The following COL4A6 variants were observed in gnomAD, a reference collection of about 807,000 sequenced individuals.
COL4A6 encodes collagen type IV alpha 6 chain, also known as collagen alpha-6(IV) chain.
Under a neutral mutation model 126.7 loss-of-function variants are expected in COL4A6, and 59 were observed. The ratio of observed to expected loss-of-function variants is 0.47; its 90% CI spans 0.38 to 0.58. The LOEUF (loss-of-function observed/expected upper bound fraction) is 0.58. COL4A6 is among the 20% of genes least tolerant of loss of function. COL4A6 has a pLI of 0.00. For synonymous variants in COL4A6, 547 were observed against 496.6 expected (o/e 1.10, Z -1.35); for missense variants, 1,285 against 1,337.3 (o/e 0.96, Z 0.61).
chrX:108,204,571 G>A, intron 11 of COL4A6, 159 bp from the exon 12 acceptor site: 1 of 552,301 alleles, frequency 1.8e-6, no homozygotes. Context: ...CACTGCCAAA[G>A]GGTGAGAAGA....
Position 108,156,755 on chromosome X carries a change from C to A in COL4A6, c.*245G>T. 2.4e-6 allele frequency: 1 copy of A among 410,961 alleles called. No homozygotes were observed. Among genetic ancestry groups the A allele is most frequent in the East Asian group, 3.9e-5 (1 of 25,749 alleles). 33.9% of individuals were successfully genotyped at this position (410,961 alleles called of 1,213,427 possible). ...AGGTAGCCATGAATAGTCACACAAT[C>A]ATCCAAATCAAACAGTAGCACCAGC... On this transcript the variant is annotated 3_prime_UTR_variant, in exon 45 of 45. Transcript: ENST00000334504.
intron 3 of COL4A6, among the ~76,000 whole-genome samples, chrX:108,277,160 G>C (rs1443616036): frequency 2.7e-5 from 3 of 111,505 alleles, no homozygotes; most frequent in Admixed American, 1.9e-4. Flanking sequence ...CAGGACAGTG[G>C]GTGCACAAGC....
intron 2 of COL4A6, among the ~76,000 whole-genome samples, chrX:108,370,117 C>T (rs1482858838): frequency 8.9e-6 from 1 of 112,412 alleles, no homozygotes; most frequent in Non-Finnish European, 1.9e-5. Flanking sequence ...AGCCATGTTT[C>T]AGGGTCTTCC....
intron 3 of COL4A6, among the ~76,000 whole-genome samples, chrX:108,247,348 C>T (rs147983912): frequency 5.0e-4 from 56 of 111,945 alleles, no homozygotes; most frequent in African/African-American, 1.7e-3. Context: ...CTTAGAACAA[C>T]GCCTAGTGCA....
chrX:108,378,277 TTTG>T (rs1466743930), intron 2 of COL4A6, among the ~76,000 whole-genome samples: 2 of 111,422 alleles, frequency 1.8e-5, no homozygotes, highest in Non-Finnish European at 3.8e-5. Context: ...GAGCTTTTTG[TTTG>T]TTTCTTTGTT....
chrX:108,256,572 C>G (rs1450051792), intron 3 of COL4A6, among the ~76,000 whole-genome samples: 2 of 111,314 alleles, frequency 1.8e-5, no homozygotes, highest in Non-Finnish European at 3.8e-5. Context: ...AGGATTTGAA[C>G]TTGGGCTAAT....
intron 3 of COL4A6, among the ~76,000 whole-genome samples, chrX:108,273,224 G>A (rs1019231343): frequency 9.1e-6 from 1 of 110,135 alleles, no homozygotes; most frequent in Non-Finnish European, 1.9e-5. Flanking sequence ...ACAGACACAT[G>A]AAAAAATGCT....
chrX:108,382,989 T>TAATAATAAA (rs2040595409), intron 2 of COL4A6, among the ~76,000 whole-genome samples: 2 of 103,341 alleles, frequency 1.9e-5, no homozygotes, highest in Non-Finnish European at 3.9e-5. Context: ...ATAATAATAA[T>TAATAATAAA]AATAATAATA....
At chrX:108,388,257 T>C (rs1410957348) in intron 2 of COL4A6, among the ~76,000 whole-genome samples, 1 of 112,142 alleles carries the variant, frequency 8.9e-6, no homozygotes, top group East Asian at 2.8e-4. Context: ...GATTCCCTCT[T>C]TTTCTATTCT....
intron 2 of COL4A6, among the ~76,000 whole-genome samples, chrX:108,360,534 C>CTTT (rs5903322): frequency 1.2e-5 from 1 of 84,323 alleles, no homozygotes. Context: ...ACACTTTAAC[C>CTTT]TTTTTTTTTT....
intron 40 of COL4A6, 46 bp from the exon 41 acceptor site, chrX:108,163,084 G>A: frequency 8.7e-7 from 1 of 1,152,729 alleles, no homozygotes; most frequent in East Asian, 3.2e-5. Flanking sequence ...GAGGCAGAGG[G>A]AGGTGACGGG....
intron 23 of COL4A6, among the ~76,000 whole-genome samples, chrX:108,181,724 C>T (rs1049438188): frequency 2.7e-5 from 3 of 111,659 alleles, no homozygotes; most frequent in Non-Finnish European, 5.6e-5. Context: ...TCTCCCTTGC[C>T]CATTCATAAT....
At chrX:108,200,200 C>A (rs1334002870) in intron 13 of COL4A6, among the ~76,000 whole-genome samples, 1 of 112,297 alleles carries the variant, frequency 8.9e-6, no homozygotes, top group Non-Finnish European at 1.9e-5. Context: ...CTAGTAGCCA[C>A]ATTAAAAAAG....
chrX:108,157,800 C>T (rs1229614368), intron 44 of COL4A6, among the ~76,000 whole-genome samples: 1 of 111,749 alleles, frequency 8.9e-6, no homozygotes, highest in Non-Finnish European at 1.9e-5. Flanking sequence ...AGAGGGCTCT[C>T]TCAGTATTCA....
Position 108,188,692 on chromosome X carries a change from C to A in COL4A6, c.1427-15G>T. On this transcript the variant is annotated splice_polypyrimidine_tract_variant and intron_variant, in intron 20 of 44. Coordinates refer to ENST00000334504, the MANE Select transcript of COL4A6 (RefSeq NM_033641.4). ...ACCTGAGTCTCCTGGGAGAAAAAGA[C>A]AACATAGAACGAAGTGGGTCATTTT... 1 of 1,124,692 alleles carries A rather than the reference C, an allele frequency of 8.9e-7. No homozygotes were observed. 92.7% of individuals were successfully genotyped at this position (1,124,692 alleles called of 1,213,427 possible). A position where few individuals can be genotyped will look rare whatever the true frequency, so the allele number is the denominator to read the frequency against.
upstream of COL4A6, chrX:108,438,523 T>C (rs1022157547): frequency 1.1e-6 from 1 of 920,263 alleles, no homozygotes. Context: ...TCTTTCTCAC[T>C]TTCAGGCACC....
chrX:108,380,436 G>A (rs1251725423), intron 2 of COL4A6, among the ~76,000 whole-genome samples: 1 of 112,411 alleles, frequency 8.9e-6, no homozygotes, highest in Non-Finnish European at 1.9e-5. Context: ...CCTACGCGTT[G>A]TTTACTGAGC....
At chrX:108,164,787 A>G (rs2034070154) in intron 39 of COL4A6, 89 bp from the exon 40 acceptor site, 2 of 1,179,340 alleles carry the variant, frequency 1.7e-6, no homozygotes, top group Non-Finnish European at 2.3e-6. Context: ...AGGGAAGAAC[A>G]TCAGCCACCG....
chrX:108,301,586 G>A (rs1198233087), intron 3 of COL4A6, among the ~76,000 whole-genome samples: 3 of 111,385 alleles, frequency 2.7e-5, no homozygotes, highest in Admixed American at 9.5e-5. Context: ...AGGTTTCAGA[G>A]GCCATTTGAC....
Sources: allele counts gnomAD v4.1 joint callset (sites outside exome capture counted in the v4.1 genomes callset), GRCh38; gene constraint gnomAD v4.1.1; transcripts MANE v1.5; gene names NCBI Gene and HGNC (gene_info 2026-07-23, HGNC 2026-07-21).